The following FSTL4 variants were observed in gnomAD, a reference collection of about 807,000 sequenced individuals.
The protein encoded by FSTL4 is follistatin like 4.
In FSTL4, 28 loss-of-function variants were observed where a neutral mutation model predicts 78.2. That is an observed-to-expected ratio of 0.36 (90% CI 0.27 to 0.49). The LOEUF is 0.49. Ranked by LOEUF, FSTL4 falls within the 20% of genes least tolerant of loss-of-function variation. The pLI is 0.98. For missense variants in FSTL4, 922 were observed against 1,084.9 expected, an observed-to-expected ratio of 0.85 and a Z score of 2.11; for synonymous variants, 422 against 440.5, an observed-to-expected ratio of 0.96 and a Z score of 0.53.
At chr5:133,240,293 C>T (rs980740979) in intron 7 of FSTL4, among the ~76,000 whole-genome samples, 26 of 152,220 alleles carry the variant, frequency 1.7e-4, no homozygotes, top group Admixed American at 1.4e-3. Flanking sequence ...CCACCAATTC[C>T]GGACATAATA....
At chr5:133,661,865 T>G in the FSTL4 span, among the ~76,000 whole-genome samples, 1 of 152,254 alleles carries the variant, frequency 6.6e-6, no homozygotes, top group Non-Finnish European at 1.5e-5. Context: ...ATCTAAGGCA[T>G]CTGGTCACAT....
At position 133,611,632 on chromosome 5, in the gene FSTL4, G is replaced by A. The variant is rs1226400457; in HGVS notation, c.-11+693C>T. On this transcript the variant is annotated intron_variant, in intron 1 of 15. Coordinates refer to ENST00000265342, the MANE Select transcript of FSTL4 (RefSeq NM_015082.2). This position sits in a 1 kb window ranked among gnomAD's most constrained non-coding sequence, Gnocchi z 4.9. ...CTAGACACGTTCAAGCGGGTACCCCGGGCCGCTCACTCTGGACCGCGGCCG... is the reference window on the plus strand; with the variant it reads ...CTAGACACGTTCAAGCGGGTACCCCAGGCCGCTCACTCTGGACCGCGGCCG... 6.6e-6 allele frequency among the ~76,000 whole-genome samples: 1 copy of A among 152,138 alleles called. No individual in the cohort carries two copies. Among genetic ancestry groups the A allele is most frequent in the African/African-American group, 2.4e-5 (1 of 41,450 alleles).
Position 133,361,138 on chromosome 5 carries a change from C to G in FSTL4, c.409+39600G>C, listed in dbSNP as rs1167419126. Among the ~76,000 whole-genome samples the G allele has an allele frequency of 1.3e-5, 2 of 152,150 alleles. No individual in the cohort carries two copies. Among genetic ancestry groups the G allele is most frequent in the African/African-American group, 2.4e-5 (1 of 41,428 alleles). On this transcript the variant is annotated intron_variant, in intron 4 of 15. Transcript: ENST00000265342. This position sits in a 1 kb window ranked among gnomAD's most constrained non-coding sequence, Gnocchi z 4.3. ...ATTAACTTTTTCTGAGCCCTTGAAG[C>G]CGAGAGCAAGTCTGAAACATGATTC...
At chr5:133,421,315 T>C (rs572936151) in intron 3 of FSTL4, among the ~76,000 whole-genome samples, 3 of 152,380 alleles carry the variant, frequency 2.0e-5, no homozygotes, top group African/African-American at 7.2e-5. Flanking sequence ...GGATGTTGTC[T>C]GTCTGTAGAG....
At chr5:133,367,205 T>A (rs1005301150) in intron 4 of FSTL4, among the ~76,000 whole-genome samples, 1 of 152,138 alleles carries the variant, frequency 6.6e-6, no homozygotes, top group Non-Finnish European at 1.5e-5. Context: ...GACACCAAGA[T>A]GTCCATAGGC....
chr5:133,424,009 G>A (rs1441962137), intron 3 of FSTL4, among the ~76,000 whole-genome samples: 1 of 152,158 alleles, frequency 6.6e-6, no homozygotes, highest in East Asian at 1.9e-4. Context: ...CTGTGTGCAC[G>A]AGGGCAAAGG....
At chr5:133,825,791 C>G in the FSTL4 span, among the ~76,000 whole-genome samples, 1 of 152,236 alleles carries the variant, frequency 6.6e-6, no homozygotes, top group Non-Finnish European at 1.5e-5. Flanking sequence ...TTAGCTCCAG[C>G]TGTCGGTGAC....
chr5:133,310,532 G>T (rs551217834), intron 6 of FSTL4, among the ~76,000 whole-genome samples: 30 of 152,306 alleles, frequency 2.0e-4, no homozygotes, highest in African/African-American at 7.0e-4. Context: ...AGAGCATGCT[G>T]TTTGGCCCCA....
At chr5:133,383,813 T>G (rs1246557441) in intron 4 of FSTL4, among the ~76,000 whole-genome samples, 3 of 152,208 alleles carry the variant, frequency 2.0e-5, no homozygotes, top group African/African-American at 7.2e-5. Flanking sequence ...CGTGCATTTC[T>G]CAGACAAAAG....
Position 133,440,823 on chromosome 5 carries a change from G to A in FSTL4, c.161-39837C>T, listed in dbSNP as rs914552857. On this transcript the variant is annotated intron_variant, in intron 3 of 15. Transcript: ENST00000265342. The surrounding 1 kb of genome is among the most constrained non-coding windows in gnomAD (Gnocchi z 4.1). ...CCACCACTTCTCCACACCTCCACTG[G>A]GCCCACCTCAGCACCACACAGAGGA... Among the ~76,000 whole-genome samples the A allele has an allele frequency of 6.6e-6, 1 of 152,124 alleles. No individual in the cohort carries two copies. The highest frequency in any genetic ancestry group is 6.5e-5 in the Admixed American group (1 of 15,280).
At chr5:133,698,947 T>C in the FSTL4 span, among the ~76,000 whole-genome samples, 1 of 152,220 alleles carries the variant, frequency 6.6e-6, no homozygotes, top group Non-Finnish European at 1.5e-5. Context: ...AATTTATTCC[T>C]GAAGCCACAG....
intron 3 of FSTL4, among the ~76,000 whole-genome samples, chr5:133,560,210 T>A (rs1243425131): frequency 6.6e-6 from 1 of 152,172 alleles, no homozygotes; most frequent in African/African-American, 2.4e-5. Flanking sequence ...TCGGATAGCA[T>A]CACTGGCAGA....
the FSTL4 span, among the ~76,000 whole-genome samples, chr5:133,818,307 G>A: frequency 6.6e-6 from 1 of 152,198 alleles, no homozygotes; most frequent in Admixed American, 6.5e-5. Context: ...AGGGGCTGTT[G>A]GCCAGAGAAG....
the FSTL4 span, among the ~76,000 whole-genome samples, chr5:133,701,509 A>ACACAC: frequency 0.012 from 1,610 of 132,620 alleles, 38 homozygotes; most frequent in African/African-American, 0.042. Context: ...ACACACACAC[A>ACACAC]CCCCACAGGC....
chr5:133,813,775 T>C, the FSTL4 span, among the ~76,000 whole-genome samples: 3 of 152,234 alleles, frequency 2.0e-5, no homozygotes, highest in Non-Finnish European at 4.4e-5. Context: ...CCCCATGGCA[T>C]TGCTACCATC....
At chr5:133,540,738 A>G (rs1237898595) in intron 3 of FSTL4, among the ~76,000 whole-genome samples, 1 of 150,434 alleles carries the variant, frequency 6.6e-6, no homozygotes, top group Non-Finnish European at 1.5e-5. Context: ...AAAAAAAAAA[A>G]AGAAAGAAAA....
the FSTL4 span, among the ~76,000 whole-genome samples, chr5:133,642,858 A>G: frequency 6.6e-6 from 1 of 152,374 alleles, no homozygotes; most frequent in Admixed American, 6.5e-5. Context: ...TCACAGGGGT[A>G]TTACAAGGAG....
chr5:133,665,046 T>C, the FSTL4 span, among the ~76,000 whole-genome samples: 1 of 152,218 alleles, frequency 6.6e-6, no homozygotes, highest in Non-Finnish European at 1.5e-5. Context: ...CAGAAAATTG[T>C]CCATGAGCAT....
intron 3 of FSTL4, among the ~76,000 whole-genome samples, chr5:133,463,137 G>C (rs1009214728): frequency 3.3e-5 from 5 of 152,234 alleles, no homozygotes; most frequent in African/African-American, 1.2e-4. Flanking sequence ...CTTAGTGACT[G>C]TGTGTCAGGC....
Sources: allele counts gnomAD v4.1 joint callset (sites outside exome capture counted in the v4.1 genomes callset), GRCh38; gene constraint gnomAD v4.1.1; non-coding constraint Gnocchi (gnomAD v3.1); transcripts MANE v1.5; gene names NCBI Gene and HGNC (gene_info 2026-07-23, HGNC 2026-07-21).